Variants in TOP3A observed in about 807,000 individuals in gnomAD.
TOP3A encodes DNA topoisomerase III alpha, also known as DNA topoisomerase 3-alpha.
Under a neutral mutation model 111.3 loss-of-function variants are expected in TOP3A, and 64 were observed. That is an observed-to-expected ratio of 0.57 (90% CI 0.47 to 0.71). TOP3A has a LOEUF of 0.71. Ranked by LOEUF, TOP3A falls within the 30% of genes least tolerant of loss-of-function variation. The pLI is 0.00. For synonymous variants in TOP3A, 484 were observed against 485.1 expected (o/e 1.00, Z 0.03); for missense variants, 1,104 against 1,285.0 (o/e 0.86, Z 2.15).
At chr17:18,294,484 C>A (rs1980671602) in intron 10 of TOP3A, among the ~76,000 whole-genome samples, 1 of 152,078 alleles carries the variant, frequency 6.6e-6, no homozygotes, top group Non-Finnish European at 1.5e-5. Context: ...CGCACGCCAC[C>A]ACGTCCAGCT....
rs748314364 is a variant in TOP3A, at chr17:18,271,731, T to C, written c.*3071A>G. On this transcript the variant is annotated 3_prime_UTR_variant, in exon 19 of 19. Transcript: ENST00000321105. ...ATATCCAGAAACTATTAAGAACTCC[T>C]ACAACTCAACAACAAAGACAGACAA... The C allele has an allele frequency of 6.9e-6, 3 of 437,944 alleles. No homozygotes were observed. Among genetic ancestry groups the C allele is most frequent in the East Asian group, 1.7e-4 (2 of 12,062 alleles). The allele number at this position is 437,944 out of a possible 1,614,324, so 27.1% of individuals were successfully genotyped here. A position where few individuals can be genotyped will look rare whatever the true frequency, so the allele number is the denominator to read the frequency against.
chr17:18,277,426 C>T (rs569068531), intron 18 of TOP3A, among the ~76,000 whole-genome samples: 2 of 152,356 alleles, frequency 1.3e-5, no homozygotes, highest in Non-Finnish European at 2.9e-5. Flanking sequence ...AGGAAGTATA[C>T]TTAGCATAGT....
rs763326528 is a variant in TOP3A, at chr17:18,278,134, C to T, written c.2368G>A (p.Gly790Arg). Residue 790 changes from glycine to arginine, a missense_variant, in exon 18 of 19, where the codon GGG (glycine) becomes AGG (arginine). Transcript: ENST00000321105. Reference sequence around the variant, plus strand: ...GTCTGGGCCAGAGCCTTTGAGGACCCAGTCTGTCTGCTGTCAGCAGGCTGG... The same window carrying T: ...GTCTGGGCCAGAGCCTTTGAGGACCTAGTCTGTCTGCTGTCAGCAGGCTGG... ...HPQPADSRQT[G>R]SSKALAQTLP... is the part of the protein sequence containing the mutation. 1 of 1,614,240 alleles carries T rather than the reference C, an allele frequency of 6.2e-7. No homozygotes were observed. Among genetic ancestry groups the T allele is most frequent in the South Asian group, 1.1e-5 (1 of 91,090 alleles).
chr17:18,292,096 A>G (rs1476383047), intron 11 of TOP3A, among the ~76,000 whole-genome samples: 2 of 152,244 alleles, frequency 1.3e-5, no homozygotes, highest in African/African-American at 4.8e-5. Context: ...CTTTGTGAGA[A>G]GCCTACAGAT....
chr17:18,300,241 A>G (rs1981143240), intron 8 of TOP3A, among the ~76,000 whole-genome samples: 1 of 152,142 alleles, frequency 6.6e-6, no homozygotes, highest in African/African-American at 2.4e-5. Context: ...TAAAAATACA[A>G]AAATTAGCTG....
At chr17:18,303,502 A>G (rs948213232) in intron 5 of TOP3A, among the ~76,000 whole-genome samples, 3 of 152,154 alleles carry the variant, frequency 2.0e-5, no homozygotes, top group Non-Finnish European at 4.4e-5. Flanking sequence ...CCGACCATAT[A>G]TTCTATTCTG....
In TOP3A at chr17:18,298,156, C is replaced by T. The variant is rs1267460769; in HGVS notation, c.990+1403G>A. Among the ~76,000 whole-genome samples, 6 of 151,528 alleles carry T rather than the reference C, an allele frequency of 4.0e-5. No homozygotes were observed. The East Asian group carries it at 5.9e-4, about 15-fold the overall frequency. On this transcript the variant is annotated intron_variant, in intron 9 of 18. Transcript: ENST00000321105. ...GAGACCCTCTGCCTGGCAACCACCCCGTCTGAGAAGTGAGGAGCCCCTCCG... is the reference window on the plus strand; with the variant it reads ...GAGACCCTCTGCCTGGCAACCACCCTGTCTGAGAAGTGAGGAGCCCCTCCG...
At chr17:18,294,620 G>A in intron 10 of TOP3A, 83 bp downstream of exon 10, 1 of 1,081,474 alleles carries the variant, frequency 9.2e-7, no homozygotes, top group Non-Finnish European at 1.4e-6. Flanking sequence ...GAGCCACCGT[G>A]CCCAACCCAT....
At chr17:18,309,785 C>T (rs1981802742) in intron 1 of TOP3A, among the ~76,000 whole-genome samples, 1 of 146,594 alleles carries the variant, frequency 6.8e-6, no homozygotes, top group African/African-American at 2.5e-5. Context: ...TCTCGGCTCA[C>T]TGCAAGCTCC....
intron 1 of TOP3A, among the ~76,000 whole-genome samples, chr17:18,309,552 G>C (rs1981784381): frequency 6.6e-6 from 1 of 151,896 alleles, no homozygotes; most frequent in Admixed American, 6.6e-5. Flanking sequence ...GCTGAGGCAG[G>C]AGAATCACTT....
rs1157196546 is a variant in TOP3A, at chr17:18,308,260, T to G, written c.314+91A>C. 4 of 317,198 alleles carry G rather than the reference T, an allele frequency of 1.3e-5. 1 individual carries two copies. The highest frequency in any genetic ancestry group is 2.2e-5 in the Non-Finnish European group (4 of 181,234). 19.6% of individuals were successfully genotyped at this position (317,198 alleles called of 1,614,324 possible). ...AAAAAAAAAAAAAAAAAAAAAAAAA[T>G]TACCCAGTAAGATCAACATGCCTCA... On this transcript the variant is annotated intron_variant, in intron 3 of 18. Coordinates refer to ENST00000321105, the MANE Select transcript of TOP3A (RefSeq NM_004618.5).
intron 13 of TOP3A, among the ~76,000 whole-genome samples, chr17:18,288,485 T>C (rs188783995): frequency 6.6e-6 from 1 of 152,282 alleles, no homozygotes; most frequent in Non-Finnish European, 1.5e-5. Context: ...TTTTTGTAAG[T>C]GTACCTCTAT....
chr17:18,282,050 G>A (rs1293905644), intron 16 of TOP3A, among the ~76,000 whole-genome samples: 2 of 152,118 alleles, frequency 1.3e-5, no homozygotes, highest in African/African-American at 4.8e-5. Flanking sequence ...GTCTTTCCCC[G>A]TGAACTTCCT....
chr17:18,295,770 AT>A lies in TOP3A; in HGVS notation c.991-986del, dbSNP rs767499816. On this transcript the variant is annotated intron_variant, in intron 9 of 18. Transcript: ENST00000321105. ...CACCGCGTCTGGCCCAGAAATCTAC[AT>A]TTTTTTTTTTTTTCACATGGAGTCT... Among the ~76,000 whole-genome samples the A allele has an allele frequency of 6.7e-3, 834 of 125,026 alleles. 6 individuals carry two copies. Among genetic ancestry groups the A allele is most frequent in the Middle Eastern group, 0.052 (9 of 172 alleles). 82.0% of individuals were successfully genotyped at this position (125,026 alleles called of 152,430 possible). A position where few individuals can be genotyped will look rare whatever the true frequency, so the allele number is the denominator to read the frequency against.
At chr17:18,298,674 T>C (rs1981025041) in intron 9 of TOP3A, among the ~76,000 whole-genome samples, 1 of 151,630 alleles carries the variant, frequency 6.6e-6, no homozygotes. Context: ...TAGAAAGAGG[T>C]AGACGTGGGA....
At chr17:18,282,635 G>C (rs150447815) in intron 16 of TOP3A, 63 bp downstream of exon 16, 3 of 1,601,040 alleles carry the variant, frequency 1.9e-6, no homozygotes, top group East Asian at 4.5e-5. Flanking sequence ...AGGGTCTTTC[G>C]AGCTACGGCT....
chr17:18,305,184 G>A lies in TOP3A; in HGVS notation c.427C>T (p.Leu143=), dbSNP rs372293607. The change falls in exon 5 of 19, where the codon CTG becomes TTG. Residue 143 remains leucine (L), a synonymous_variant. Transcript: ENST00000321105. ...LERETRQCQA[L]VIWTDCDREG... ...CTATCACAGTCAGTCCAGATCACCA[G>A]AGCCTGGCACTGGCGAGTCTCTCGT... 2 of 1,614,026 alleles carry A rather than the reference G, an allele frequency of 1.2e-6. No homozygotes were observed. Among genetic ancestry groups the A allele is most frequent in the Non-Finnish European group, 1.7e-6 (2 of 1,180,038 alleles).
chr17:18,293,984 TA>T (rs1409650643), intron 10 of TOP3A, among the ~76,000 whole-genome samples: 1 of 152,260 alleles, frequency 6.6e-6, no homozygotes, highest in African/African-American at 2.4e-5. Context: ...ATTTTACATC[TA>T]TAGCGCATCC....
intron 8 of TOP3A, 55 bp downstream of exon 8, chr17:18,301,830 T>C: frequency 7.1e-7 from 1 of 1,414,218 alleles, no homozygotes; most frequent in Non-Finnish European, 9.9e-7. Flanking sequence ...CTGCCGACAG[T>C]GGGAGTGGTT....
Sources: allele counts gnomAD v4.1 joint callset (sites outside exome capture counted in the v4.1 genomes callset), GRCh38; gene constraint gnomAD v4.1.1; transcripts MANE v1.5; gene names NCBI Gene and HGNC (gene_info 2026-07-23, HGNC 2026-07-21).